The following SMARCE1 variants were observed in gnomAD, a reference collection of about 807,000 sequenced individuals.
SMARCE1 encodes SWI/SNF-related matrix-associated actin-dependent regulator of chromatin subfamily E member 1.
SMARCE1 carries 13 observed loss-of-function variants against 54.9 expected under a neutral mutation model. The ratio of observed to expected loss-of-function variants is 0.24; its 90% CI spans 0.15 to 0.38. The LOEUF is 0.38. SMARCE1 is among the 10% of genes least tolerant of loss of function. The pLI, the probability that SMARCE1 is intolerant of heterozygous loss-of-function variation, is 1.00. For synonymous variants in SMARCE1, 151 were observed against 175.3 expected (o/e 0.86, Z 1.10); for missense variants, 295 against 523.8 (o/e 0.56, Z 4.26).
intron 8 of SMARCE1, 36 bp from the exon 9 acceptor site, chr17:40,631,729 A>AT (rs777295759): frequency 8.7e-7 from 1 of 1,151,968 alleles, no homozygotes; most frequent in Admixed American, 1.8e-5. Context: ...ATTGTGTCTC[A>AT]TTTTTTAATG....
At chr17:40,645,691 G>T in intron 2 of SMARCE1, 72 bp from the exon 3 acceptor site, 1 of 1,180,670 alleles carries the variant, frequency 8.5e-7, no homozygotes, top group Non-Finnish European at 1.2e-6. Context: ...ACTACCAATG[G>T]TCCTGTTTTG....
chr17:40,636,304 C>G, intron 6 of SMARCE1, 91 bp downstream of exon 6: 1 of 1,403,718 alleles, frequency 7.1e-7, no homozygotes, highest in South Asian at 1.3e-5. Context: ...CATCAGTGTT[C>G]TGACCAAATC....
chr17:40,644,006 GAAGT>G (rs2037224845), intron 3 of SMARCE1: 1 of 154,964 alleles, frequency 6.5e-6, no homozygotes, highest in Non-Finnish European at 1.4e-5. Context: ...GGTGGTGGTA[GAAGT>G]AATGGAAAGA....
Position 40,637,473 on chromosome 17 carries a change from C to G in SMARCE1, c.237+19G>C. ...GCAAAGACAGTGTCCTCACTCCTTA[C>G]CAGGTCCTAAGCACCTACCTTTCTG... On this transcript the variant is annotated intron_variant, in intron 5 of 10. Transcript: ENST00000348513. 3 of 1,586,266 alleles carry G rather than the reference C, an allele frequency of 1.9e-6. No individual in the cohort carries two copies. The highest frequency in any genetic ancestry group is 2.6e-6 in the Non-Finnish European group (3 of 1,154,648).
intron 5 of SMARCE1, 133 bp from the exon 6 acceptor site, chr17:40,636,659 C>T (rs187742864): frequency 5.3e-4 from 345 of 652,420 alleles, no homozygotes; most frequent in Admixed American, 7.2e-4. Flanking sequence ...TACTCATCAG[C>T]CTACTTCAAA....
Position 40,627,604 on chromosome 17 carries a change from A to C in SMARCE1, c.*1181T>G, listed in dbSNP as rs1314783714. Reference sequence around the variant, plus strand: ...GTGAGACAAGGGCCCTGAGTACACAAATTTATAATGGCTGAGTGGTCATTC... The same window carrying C: ...GTGAGACAAGGGCCCTGAGTACACACATTTATAATGGCTGAGTGGTCATTC... On this transcript the variant is annotated 3_prime_UTR_variant, in exon 11 of 11. Transcript: ENST00000348513. The C allele has an allele frequency of 6.6e-6, 1 of 152,600 alleles. No individual in the cohort carries two copies. Among genetic ancestry groups the C allele is most frequent in the African/African-American group, 2.4e-5 (1 of 41,460 alleles). 9.5% of individuals were successfully genotyped at this position (152,600 alleles called of 1,614,324 possible). A position where few individuals can be genotyped will look rare whatever the true frequency, so the allele number is the denominator to read the frequency against.
At position 40,632,365 on chromosome 17, in the gene SMARCE1, A is replaced by T; in HGVS notation, c.544T>A (p.Tyr182Asn). 3 of 1,613,266 alleles carry T rather than the reference A, an allele frequency of 1.9e-6. No individual in the cohort carries two copies. Among genetic ancestry groups the T allele is most frequent in the Non-Finnish European group, 2.5e-6 (3 of 1,179,574 alleles). ...TGCTTCATTGAAAAGCCATCATCAT[A>T]ATCTGGAGTGAACAAATTGTTCTGG... ...SIQPAEDPDD[Y>N]DDGFSMKHTA... is the part of the protein sequence containing the mutation. Residue 182 changes from tyrosine to asparagine, a missense_variant and splice_region_variant, in exon 8 of 11, where the codon TAT (tyrosine) becomes AAT (asparagine). This residue lies in a region of SMARCE1 where 101 missense variants were observed against 183.1 expected (regional missense o/e 0.55). Transcript: ENST00000348513.
At chr17:40,637,636 G>C (rs998805445) in intron 4 of SMARCE1, 64 bp from the exon 5 acceptor site, 7 of 1,317,934 alleles carry the variant, frequency 5.3e-6, no homozygotes, top group South Asian at 1.2e-5. Context: ...ACTGAAAAGA[G>C]AGTCCCTTAA....
chr17:40,640,285 T>C (rs987158872), intron 4 of SMARCE1, among the ~76,000 whole-genome samples: 2 of 152,230 alleles, frequency 1.3e-5, no homozygotes, highest in African/African-American at 4.8e-5. Context: ...CTTAAGAGAA[T>C]GTTAATCATC....
At chr17:40,638,236 T>A (rs1158652653) in intron 4 of SMARCE1, among the ~76,000 whole-genome samples, 3 of 152,162 alleles carry the variant, frequency 2.0e-5, no homozygotes, top group Non-Finnish European at 4.4e-5. Flanking sequence ...AATCACAGTG[T>A]AAAAGCAAAC....
At chr17:40,641,993 G>A in intron 4 of SMARCE1, 1 of 179,626 alleles carries the variant, frequency 5.6e-6, no homozygotes, top group Non-Finnish European at 1.1e-5. Context: ...AAATCCAAAA[G>A]ACAAATAACT....
chr17:40,639,265 C>T (rs2037174521), intron 4 of SMARCE1, among the ~76,000 whole-genome samples: 2 of 152,162 alleles, frequency 1.3e-5, no homozygotes. Context: ...TTCAGAGGAA[C>T]AGACACACAC....
In SMARCE1 at chr17:40,642,357, T is replaced by A. The variant is rs754273795; in HGVS notation, c.156+98A>T. On this transcript the variant is annotated intron_variant, in intron 4 of 10. Transcript: ENST00000348513. This position sits in a 1 kb window ranked among gnomAD's most constrained non-coding sequence, Gnocchi z 4.6. Reference sequence around the variant, plus strand: ...AAAAGCTAGGTTAAAAAATTTTTTTTAAATGGCTGTGCTTATGATTCAAAA... The same window carrying A: ...AAAAGCTAGGTTAAAAAATTTTTTTAAAATGGCTGTGCTTATGATTCAAAA... The A allele has an allele frequency of 6.0e-6, 5 of 836,708 alleles. No homozygotes were observed. The highest frequency in any genetic ancestry group is 5.0e-5 in the African/African-American group (3 of 59,642). 51.8% of individuals were successfully genotyped at this position (836,708 alleles called of 1,614,324 possible).
rs766200637 is a variant in SMARCE1, at chr17:40,628,939, G to A, written c.1082C>T (p.Thr361Met). 3 of 1,613,740 alleles carry A rather than the reference G, an allele frequency of 1.9e-6. No individual in the cohort carries two copies. The highest frequency in any genetic ancestry group is 2.2e-5 in the South Asian group (2 of 91,060). Residue 361 changes from threonine to methionine, a missense_variant, in exon 11 of 11, where the codon ACG becomes ATG. Transcript: ENST00000348513. Reference protein sequence around the residue: ...TESQQNGEEGTSTPEDKESGQ... With the variant: ...TESQQNGEEGMSTPEDKESGQ... ...ACTCTCCTTGTCCTCAGGAGTAGAC[G>A]TGCCTTCTTCACCATTCTGTTGGCT...
In SMARCE1 at chr17:40,625,842, A is replaced by G. The variant is rs781275771; in HGVS notation, c.*2943T>C. The stretch of plus-strand genomic sequence containing the variant: ...TCTCCAAACCTCGGCTTTATAGAAT[A>G]GATAATTATCACATCCTGTAGGAGA... On this transcript the variant is annotated 3_prime_UTR_variant, in exon 11 of 11. Transcript: ENST00000348513. 1 of 152,240 alleles carries G rather than the reference A, an allele frequency of 6.6e-6. No individual in the cohort carries two copies. Among genetic ancestry groups the G allele is most frequent in the Non-Finnish European group, 1.5e-5 (1 of 68,050 alleles). 9.4% of individuals were successfully genotyped at this position (152,240 alleles called of 1,614,324 possible).
intron 2 of SMARCE1, 61 bp downstream of exon 2, chr17:40,645,735 A>T: frequency 9.2e-7 from 1 of 1,091,656 alleles, no homozygotes; most frequent in Non-Finnish European, 1.3e-6. Context: ...TGGAATTCCC[A>T]CTTGCTAGGG....
rs1319163552 is a variant in SMARCE1, at chr17:40,632,331, G to A, written c.578C>T (p.Thr193Ile). The change falls in exon 8 of 11, where the codon ACC becomes ATC. Residue 193 changes from threonine to isoleucine, a missense_variant. Around this residue, in one of 5 missense-constraint regions of SMARCE1, gnomAD observed 101 missense variants for 183.1 expected, o/e 0.55. Transcript: ENST00000348513. ...DDGFSMKHTA[T>I]ARFQRNHRLI... Reference sequence around the variant, plus strand: ...GCGGTGGTTTCTCTGGAAACGGGCGGTGGCTGTATGCTTCATTGAAAAGCC... The same window carrying A: ...GCGGTGGTTTCTCTGGAAACGGGCGATGGCTGTATGCTTCATTGAAAAGCC... 6.2e-7 allele frequency: 1 copy of A among 1,614,060 alleles called. No homozygotes were observed. Among genetic ancestry groups the A allele is most frequent in the East Asian group, 2.2e-5 (1 of 44,884 alleles).
At chr17:40,646,798 T>C (rs1410596291) in intron 1 of SMARCE1, among the ~76,000 whole-genome samples, 3 of 152,242 alleles carry the variant, frequency 2.0e-5, no homozygotes, top group Non-Finnish European at 2.9e-5. Flanking sequence ...ACATGTGGAA[T>C]AGATCTGATT....
intron 5 of SMARCE1, 195 bp from the exon 6 acceptor site, chr17:40,636,721 T>C: frequency 2.0e-6 from 1 of 493,482 alleles, no homozygotes. Context: ...CTGGATTACT[T>C]TAAGATAGAT....
Sources: gnomAD v4.1 joint callset for allele counts (sites outside exome capture counted in the v4.1 genomes callset) on GRCh38, gnomAD v4.1.1 for gene constraint, gnomAD v4.1.1 regional missense constraint, Gnocchi (gnomAD v3.1) non-coding constraint, MANE v1.5 for transcripts, NCBI Gene and HGNC (gene_info 2026-07-23, HGNC 2026-07-21) for gene names.